Variants in CAMTA1 observed in about 807,000 individuals in gnomAD.
The protein encoded by CAMTA1 is calmodulin binding transcription activator 1, also known as calmodulin-binding transcription activator 1.
A neutral mutation model predicts 170.9 loss-of-function variants in CAMTA1; 27 were observed. The observed-to-expected ratio is 0.16, with a 90% CI of 0.12 to 0.22. CAMTA1 has a LOEUF of 0.22. Among genes scored for constraint, CAMTA1 ranks in the 10% least tolerant of loss-of-function variants. The pLI is 1.00. For synonymous variants in CAMTA1, 833 were observed against 891.5 expected (o/e 0.93, Z 1.17); for missense variants, 1,619 against 2,217.2 (o/e 0.73, Z 5.42).
intron 6 of CAMTA1, among the ~76,000 whole-genome samples, chr1:7,529,324 C>T (rs2094465277): frequency 6.6e-6 from 1 of 152,024 alleles, no homozygotes; most frequent in Non-Finnish European, 1.5e-5. Flanking sequence ...GGGTCTGCAT[C>T]TCTCCTCTTG....
intron 5 of CAMTA1, among the ~76,000 whole-genome samples, chr1:7,376,534 C>T (rs1406468560): frequency 1.3e-5 from 2 of 152,140 alleles, no homozygotes; most frequent in African/African-American, 2.4e-5. Context: ...GCAGTGTGGA[C>T]GTTCCATACC....
At chr1:7,018,655 T>C (rs1436950043) in intron 3 of CAMTA1, among the ~76,000 whole-genome samples, 1 of 152,134 alleles carries the variant, frequency 6.6e-6, no homozygotes, top group African/African-American at 2.4e-5. Flanking sequence ...GCCAACAAGG[T>C]GTTCTCGATA....
rs145183030 is a variant in CAMTA1, at chr1:7,766,593, G to GCA, written c.*114_*115dup. 483 of 909,930 alleles carry GCA rather than the reference G, an allele frequency of 5.3e-4. No individual in the cohort carries two copies. The highest frequency in any genetic ancestry group is 3.0e-3 in the African/African-American group (182 of 60,638). 56.4% of individuals were successfully genotyped at this position (909,930 alleles called of 1,614,324 possible). ...GCAACAACAACACACACGCACACAC[G>GCA]CACACACACACACGTACACACACAT... On this transcript the variant is annotated 3_prime_UTR_variant, in exon 23 of 23. Transcript: ENST00000303635.
chr1:7,718,221 C>T lies in CAMTA1; in HGVS notation c.2915-14227C>T, dbSNP rs138877355. Among the ~76,000 whole-genome samples the T allele has an allele frequency of 1.7e-3, 252 of 151,954 alleles. 1 individual carries two copies. The highest frequency in any genetic ancestry group is 1.5e-3 in the East Asian group (8 of 5,162). On this transcript the variant is annotated intron_variant, in intron 11 of 22. Coordinates refer to ENST00000303635, the MANE Select transcript of CAMTA1 (RefSeq NM_015215.4). ...CGTTCCGTAAACACAGTGGGCGTTC[C>T]GTAAACACAGTGGGTGTTCCGTAAA... is the stretch of plus-strand genomic sequence containing the variant.
Position 7,745,999 on chromosome 1 carries a change from A to G in CAMTA1, c.4525A>G (p.Asn1509Asp). The change falls in exon 18 of 23, where the codon AAT becomes GAT. Residue 1509 changes from asparagine to aspartate, a missense_variant. Physicochemically the swap from Asn to Asp is conservative, Grantham distance 23. Around this residue, in one of 8 missense-constraint regions of CAMTA1, gnomAD observed 128 missense variants for 213.5 expected, o/e 0.60. Transcript: ENST00000303635. ...LSASTSEKVE[N>D]EFAQLTLSDH... ...TGCATCTACCAGTGAGAAGGTAGAG[A>G]ATGAGTTTGCTCAGCTCACTCTGTC... 6.2e-7 allele frequency: 1 copy of G among 1,614,218 alleles called. No homozygotes were observed. The highest frequency in any genetic ancestry group is 1.1e-5 in the South Asian group (1 of 91,090).
intron 5 of CAMTA1, among the ~76,000 whole-genome samples, chr1:7,340,029 G>A (rs2083680017): frequency 6.6e-6 from 1 of 152,134 alleles, no homozygotes; most frequent in Non-Finnish European, 1.5e-5. Flanking sequence ...CTCTATCCCA[G>A]GAATCAGCAA....
intron 3 of CAMTA1, among the ~76,000 whole-genome samples, chr1:6,847,664 CT>C (rs1396114592): frequency 2.0e-5 from 3 of 151,434 alleles, no homozygotes; most frequent in Non-Finnish European, 2.9e-5. Flanking sequence ...CTCAGCCTCC[CT>C]AGTAGCTGGG....
At chr1:7,491,758 T>TA (rs1278105502) in intron 6 of CAMTA1, among the ~76,000 whole-genome samples, 2 of 152,226 alleles carry the variant, frequency 1.3e-5, no homozygotes, top group East Asian at 3.8e-4. Flanking sequence ...TAATAATGTT[T>TA]AAAAACGAAG....
At chr1:7,021,587 CAGGAGGG>C (rs1481393014) in intron 3 of CAMTA1, among the ~76,000 whole-genome samples, 1 of 152,120 alleles carries the variant, frequency 6.6e-6, no homozygotes, top group Non-Finnish European at 1.5e-5. Context: ...TGAGCACGGG[CAGGAGGG>C]ACATTGGATG....
intron 6 of CAMTA1, among the ~76,000 whole-genome samples, chr1:7,542,069 A>T (rs1031409232): frequency 6.6e-6 from 1 of 152,222 alleles, no homozygotes; most frequent in Non-Finnish European, 1.5e-5. Context: ...ATTTTTAATT[A>T]CAAAGGCAAA....
At chr1:7,179,937 A>G (rs1173648715) in intron 4 of CAMTA1, among the ~76,000 whole-genome samples, 1 of 152,214 alleles carries the variant, frequency 6.6e-6, no homozygotes, top group African/African-American at 2.4e-5. Flanking sequence ...CTGATTAGCA[A>G]TCCCTAAATA....
intron 4 of CAMTA1, among the ~76,000 whole-genome samples, chr1:7,130,046 C>T (rs1423716707): frequency 2.0e-5 from 3 of 152,086 alleles, no homozygotes; most frequent in Non-Finnish European, 4.4e-5. Flanking sequence ...AAGCCATTCT[C>T]CCGCCTCAGC....
chr1:7,726,548 T>G (rs2096688287), intron 11 of CAMTA1, among the ~76,000 whole-genome samples: 1 of 152,218 alleles, frequency 6.6e-6, no homozygotes, highest in Admixed American at 6.5e-5. Context: ...ATGTAAATTT[T>G]TATTTTCTTG....
At chr1:7,581,389 GC>G (rs940717416) in intron 6 of CAMTA1, among the ~76,000 whole-genome samples, 2 of 152,226 alleles carry the variant, frequency 1.3e-5, no homozygotes, top group African/African-American at 4.8e-5. Flanking sequence ...ACTAGCACTA[GC>G]GGCTTCATTA....
intron 3 of CAMTA1, among the ~76,000 whole-genome samples, chr1:6,836,669 G>A (rs1267363465): frequency 6.6e-6 from 1 of 152,172 alleles, no homozygotes; most frequent in Non-Finnish European, 1.5e-5. Context: ...CACCGAGGTG[G>A]ATTCTGAGGC....
At chr1:7,054,455 T>G (rs1706981783) in intron 3 of CAMTA1, among the ~76,000 whole-genome samples, 1 of 152,228 alleles carries the variant, frequency 6.6e-6, no homozygotes, top group African/African-American at 2.4e-5. Flanking sequence ...TCTCTTTCAT[T>G]TTTGCATGGC....
intron 6 of CAMTA1, among the ~76,000 whole-genome samples, chr1:7,550,723 C>A (rs1356206915): frequency 6.6e-6 from 1 of 150,434 alleles, no homozygotes; most frequent in Non-Finnish European, 1.5e-5. Flanking sequence ...GCCCCTCCCC[C>A]TGACTCCTCC....
At chr1:7,538,372 A>T (rs943654745) in intron 6 of CAMTA1, among the ~76,000 whole-genome samples, 55 of 151,166 alleles carry the variant, frequency 3.6e-4, no homozygotes, top group African/African-American at 1.3e-3. Context: ...TAAAAAAAAA[A>T]TACCCAGGCT....
At chr1:7,754,089 T>C (rs541491935) in intron 21 of CAMTA1, among the ~76,000 whole-genome samples, 56 of 152,264 alleles carry the variant, frequency 3.7e-4, no homozygotes, top group African/African-American at 1.3e-3. Flanking sequence ...TTCCTTACAT[T>C]CTCCAATACG....
Sources: allele counts gnomAD v4.1 joint callset (sites outside exome capture counted in the v4.1 genomes callset), GRCh38; gene constraint gnomAD v4.1.1; regional missense constraint gnomAD v4.1.1; transcripts MANE v1.5; gene names NCBI Gene and HGNC (gene_info 2026-07-23, HGNC 2026-07-21).